NID1: variants seen among roughly 807,000 people sequenced by gnomAD.
NID1 encodes nidogen 1.
Under a neutral mutation model 130.6 loss-of-function variants are expected in NID1, and 76 were observed. That is an observed-to-expected ratio of 0.58 (90% confidence interval 0.48 to 0.70). The LOEUF (loss-of-function observed/expected upper bound fraction) is 0.70. Among genes scored for constraint, NID1 ranks in the 30% least tolerant of loss-of-function variants. The pLI is 0.00. For synonymous variants in NID1, 665 were observed against 675.1 expected, an observed-to-expected ratio of 0.98 and a Z score of 0.23; for missense variants, 1,517 against 1,664.8, an observed-to-expected ratio of 0.91 and a Z score of 1.54.
At chr1:235,990,753 A>G (rs1657709041) in intron 14 of NID1, 133 bp downstream of exon 14, 1 of 904,590 alleles carries the variant, frequency 1.1e-6, no homozygotes, top group South Asian at 1.6e-5. Flanking sequence ...AGAGATGGTC[A>G]CCCAGGACTA....
chr1:235,985,538 A>C (rs762531082), intron 14 of NID1, 33 bp from the exon 15 acceptor site: 2 of 1,611,254 alleles, frequency 1.2e-6, no homozygotes, highest in Non-Finnish European at 1.7e-6. Context: ...AGAATGGTCC[A>C]TCTACAAGCA....
At position 236,026,120 on chromosome 1, in the gene NID1, C is replaced by G. The variant is rs542790055; in HGVS notation, c.1760G>C (p.Arg587Pro). 1 of 1,613,722 alleles carries G rather than the reference C, an allele frequency of 6.2e-7. No individual in the cohort carries two copies. The highest frequency in any genetic ancestry group is 8.5e-7 in the Non-Finnish European group (1 of 1,179,904). ...CTCGGGCTCAGTCACCGTGTACTCC[C>G]GGGTGGAGGAGGAAGTGATCACTGC... is the stretch of plus-strand genomic sequence containing the variant. ...STSVITSSST[R>P]EYTVTEPERD... Residue 587 changes from arginine to proline, a missense_variant, in exon 8 of 20, where the codon CGG becomes CCG. Coordinates refer to ENST00000264187, the MANE Select transcript of NID1 (RefSeq NM_002508.3).
rs141367396 is a variant in NID1, at chr1:236,032,500, C to A, written c.1438G>T (p.Val480Phe). Reference protein sequence around the residue: ...YTAISTIPETVGYSLLPLAPV... With the variant: ...YTAISTIPETFGYSLLPLAPV... ...GCCAGTGGAAGCAGAGAATATCCAACGGTCTCGGGAATGGTGCTGATGGCT... is the reference window on the plus strand; with the variant it reads ...GCCAGTGGAAGCAGAGAATATCCAAAGGTCTCGGGAATGGTGCTGATGGCT... The change falls in exon 6 of 20, where the codon GTT becomes TTT. Residue 480 changes from valine (V) to phenylalanine (F), a missense_variant. Coordinates refer to ENST00000264187, the MANE Select transcript of NID1 (RefSeq NM_002508.3). 4 of 1,614,218 alleles carry A rather than the reference C, an allele frequency of 2.5e-6. No homozygotes were observed. Among genetic ancestry groups the A allele is most frequent in the Non-Finnish European group, 3.4e-6 (4 of 1,180,040 alleles).
At chr1:236,060,503 G>A (rs1011631769) in intron 1 of NID1, among the ~76,000 whole-genome samples, 1 of 152,046 alleles carries the variant, frequency 6.6e-6, no homozygotes, top group Non-Finnish European at 1.5e-5. Flanking sequence ...TTTACCCAGC[G>A]CCTGTTCAAG....
chr1:235,980,403 T>A, intron 17 of NID1, 93 bp downstream of exon 17: 2 of 1,295,758 alleles, frequency 1.5e-6, no homozygotes, highest in Non-Finnish European at 2.1e-6. Context: ...TAAAAACAGG[T>A]GGCTGGTTAG....
intron 4 of NID1, among the ~76,000 whole-genome samples, chr1:236,039,034 A>AT (rs1481147677): frequency 3.0e-5 from 4 of 131,160 alleles, no homozygotes; most frequent in East Asian, 4.3e-4. Flanking sequence ...TATATTATAT[A>AT]ATATATATTT....
intron 1 of NID1, among the ~76,000 whole-genome samples, chr1:236,058,878 A>C (rs1418478727): frequency 6.6e-6 from 1 of 152,218 alleles, no homozygotes; most frequent in Non-Finnish European, 1.5e-5. Context: ...AGACAGTGAG[A>C]CTTGCAAAAG....
chr1:236,002,312 G>A lies in NID1; in HGVS notation c.2528-8440C>T, dbSNP rs149984849. 5.5e-4 allele frequency among the ~76,000 whole-genome samples: 84 copies of A among 152,326 alleles called. 1 individual carries two copies. The Middle Eastern group carries it at 0.01, about 19-fold the overall frequency. On this transcript the variant is annotated intron_variant, in intron 12 of 19. Coordinates refer to ENST00000264187, the MANE Select transcript of NID1 (RefSeq NM_002508.3). ...GAGGCAAGGAGTTTGAGACCAGCCT[G>A]GCTAACATGGTGAAACCCCGTATCT...
At chr1:236,031,561 T>C (rs1336471566) in intron 6 of NID1, among the ~76,000 whole-genome samples, 2 of 152,228 alleles carry the variant, frequency 1.3e-5, no homozygotes, top group African/African-American at 4.8e-5. Context: ...AATAAAGCCT[T>C]GGCTAAGGCT....
At chr1:236,018,055 T>C (rs891870336) in intron 9 of NID1, among the ~76,000 whole-genome samples, 1 of 152,226 alleles carries the variant, frequency 6.6e-6, no homozygotes. Flanking sequence ...TTTTGAATAT[T>C]ATCTAGGGCT....
At position 235,985,349 on chromosome 1, in the gene NID1, A is replaced by G. The variant is rs12037671; in HGVS notation, c.3055+30T>C. On this transcript the variant is annotated intron_variant, in intron 15 of 19. Transcript: ENST00000264187. ...CACTTTGGCTGCTAGAAGCAAAACC[A>G]AAAAGGAAAAATGATATTTGCTTAC... 1,515 of 1,613,356 alleles carry G rather than the reference A, an allele frequency of 9.4e-4. 27 individuals are homozygous for G. In the East Asian group the frequency reaches 0.027, roughly 29 times the overall value.
intron 9 of NID1, among the ~76,000 whole-genome samples, chr1:236,019,608 A>G (rs1377950059): frequency 6.6e-6 from 1 of 151,928 alleles, no homozygotes; most frequent in Non-Finnish European, 1.5e-5. Flanking sequence ...CCCTAGCACA[A>G]CCTCCACCTC....
rs1657311803 is a variant in NID1 at position 235,977,867 on chromosome 1, T to G, written c.3744A>C (p.Ter1248CysextTer18). ...TLGVDCIEQK[*>C] ...GAAAGGAAATAAGGCACTCTTGTCT[T>G]CATTTCTGTTCGATACAGTCAACTC... Residue 1248 changes from the stop codon to cysteine, a stop_lost, in exon 20 of 20, where the codon TGA (stop) becomes TGC (cysteine). Coordinates refer to ENST00000264187, the MANE Select transcript of NID1 (RefSeq NM_002508.3). The G allele has an allele frequency of 1.2e-6, 2 of 1,613,872 alleles. No homozygotes were observed. The highest frequency in any genetic ancestry group is 1.7e-5 in the Admixed American group (1 of 59,952).
chr1:236,012,019 C>G lies in NID1; in HGVS notation c.2429G>C (p.Arg810Pro), dbSNP rs375233632. The G allele has an allele frequency of 6.2e-7, 1 of 1,613,990 alleles. No individual in the cohort carries two copies. The highest frequency in any genetic ancestry group is 1.3e-5 in the African/African-American group (1 of 75,060). The change falls in exon 12 of 20, where the codon CGA becomes CCA. Residue 810 changes from arginine (R) to proline (P), a missense_variant. This residue lies in a region of NID1 where 1,329 missense variants were observed against 1,429.2 expected (regional missense o/e 0.93). Coordinates refer to ENST00000264187, the MANE Select transcript of NID1 (RefSeq NM_002508.3). ...CQDVDECQPS[R>P]CHPDAFCYNT... ...GTAGCAGAAGGCGTCAGGGTGACAT[C>G]GGCTTGGCTGGCATTCATCTACATC...
intron 1 of NID1, among the ~76,000 whole-genome samples, chr1:236,053,336 C>T (rs769228461): frequency 6.6e-6 from 1 of 152,104 alleles, no homozygotes; most frequent in Non-Finnish European, 1.5e-5. Flanking sequence ...ACAGTCAAAT[C>T]GGTTTAGTTA....
At chr1:236,033,619 G>A (rs935306207) in intron 5 of NID1, among the ~76,000 whole-genome samples, 4 of 152,228 alleles carry the variant, frequency 2.6e-5, no homozygotes, top group South Asian at 2.1e-4. Context: ...AACTGGGAAC[G>A]ATGGAATTGA....
chr1:235,994,425 G>T (rs1208525045), intron 12 of NID1, among the ~76,000 whole-genome samples: 1 of 152,210 alleles, frequency 6.6e-6, no homozygotes, highest in Non-Finnish European at 1.5e-5. Context: ...GCCTCCCAAA[G>T]TGCTGGGATT....
At position 236,039,986 on chromosome 1, in the gene NID1, G is replaced by C. The variant is rs1659401104; in HGVS notation, c.1136-1733C>G. Among the ~76,000 whole-genome samples the C allele has an allele frequency of 2.0e-5, 3 of 152,066 alleles. No homozygotes were observed. The South Asian group carries it at 6.2e-4, about 31-fold the overall frequency. On this transcript the variant is annotated intron_variant, in intron 4 of 19. Coordinates refer to ENST00000264187, the MANE Select transcript of NID1 (RefSeq NM_002508.3). ...ACATAGGGAAATAACTGGGGTAGAG[G>C]GACAGGAAAACATCTGTTTTAGACA...
rs557229442 is a variant in NID1, at chr1:236,004,663, A to G, written c.2527+7258T>C. Among the ~76,000 whole-genome samples, 347 of 148,454 alleles carry G rather than the reference A, an allele frequency of 2.3e-3. 2 individuals are homozygous for G. Among genetic ancestry groups the G allele is most frequent in the Middle Eastern group, 0.011 (3 of 284 alleles). ...TGTAGTCCCAGCTACTCGGGAGGCTAAGGCAGGAGAATGGTGTGAACCCGG... is the reference window on the plus strand; with the variant it reads ...TGTAGTCCCAGCTACTCGGGAGGCTGAGGCAGGAGAATGGTGTGAACCCGG... On this transcript the variant is annotated intron_variant, in intron 12 of 19. Coordinates refer to ENST00000264187, the MANE Select transcript of NID1 (RefSeq NM_002508.3).
Sources: gnomAD v4.1 joint callset for allele counts (sites outside exome capture counted in the v4.1 genomes callset) on GRCh38, gnomAD v4.1.1 for gene constraint, gnomAD v4.1.1 regional missense constraint, MANE v1.5 for transcripts, NCBI Gene and HGNC (gene_info 2026-07-23, HGNC 2026-07-21) for gene names.